Variants in TAOK1 observed in about 807,000 individuals in gnomAD.
TAOK1 encodes the protein TAO kinase 1.
A neutral mutation model predicts 138.3 loss-of-function variants in TAOK1; 21 were observed. The ratio of observed to expected loss-of-function variants is 0.15; its 90% CI spans 0.11 to 0.22. TAOK1 has a LOEUF of 0.22. Ranked by LOEUF, TAOK1 falls within the 10% of genes least tolerant of loss-of-function variation. The probability of loss-of-function intolerance (pLI) is 1.00; values close to 1 mark genes in which losing one functional copy is unlikely to be tolerated. For synonymous variants in TAOK1, 361 were observed against 398.4 expected (o/e 0.91, Z 1.12); for missense variants, 651 against 1,227.7 (o/e 0.53, Z 7.02).
At chr17:29,500,223 A>G (rs1214966359) in intron 12 of TAOK1, among the ~76,000 whole-genome samples, 2 of 152,178 alleles carry the variant, frequency 1.3e-5, no homozygotes, top group Non-Finnish European at 2.9e-5. Flanking sequence ...CTAAGGTGGT[A>G]GGTTCACTTG....
At chr17:29,479,820 T>A (rs1174354201) in intron 6 of TAOK1, among the ~76,000 whole-genome samples, 1 of 152,114 alleles carries the variant, frequency 6.6e-6, no homozygotes, top group Non-Finnish European at 1.5e-5. Context: ...AAAGTAAATT[T>A]GGGATCATTG....
intron 7 of TAOK1, among the ~76,000 whole-genome samples, chr17:29,481,447 C>T (rs1252455944): frequency 6.6e-6 from 1 of 151,934 alleles, no homozygotes; most frequent in African/African-American, 2.4e-5. Context: ...ACCTCAGCCT[C>T]CCAAAGTGCT....
intron 19 of TAOK1, among the ~76,000 whole-genome samples, chr17:29,537,020 T>C (rs1598529724): frequency 6.6e-6 from 1 of 152,122 alleles, no homozygotes; most frequent in Non-Finnish European, 1.5e-5. Flanking sequence ...ATCTTTTATA[T>C]TTGAAATTTA....
chr17:29,521,700 A>T (rs1567743186), intron 16 of TAOK1, among the ~76,000 whole-genome samples: 1 of 152,136 alleles, frequency 6.6e-6, no homozygotes, highest in Non-Finnish European at 1.5e-5. Flanking sequence ...CTCCTGCCTC[A>T]GCCTCCCGCG....
rs1324689095 is a variant in TAOK1 at position 29,522,429 on chromosome 17, C to T, written c.2058C>T (p.Leu686=). Residue 686 remains leucine (L), a synonymous_variant, in exon 17 of 20, where the codon CTC becomes CTT. Transcript: ENST00000261716. ...ELIRLQHQTE[L]TNQLEYNKRR... ...TCAGATTACAGCATCAAACTGAGCT[C>T]ACTAACCAGCTGGAATATAATAAGC... 3 of 1,614,146 alleles carry T rather than the reference C, an allele frequency of 1.9e-6. No homozygotes were observed. Among genetic ancestry groups the T allele is most frequent in the Non-Finnish European group, 2.5e-6 (3 of 1,180,042 alleles).
rs1462911404 is a variant in TAOK1 at position 29,545,663 on chromosome 17, A to C, written c.*2641A>C. On this transcript the variant is annotated 3_prime_UTR_variant, in exon 20 of 20. Coordinates refer to ENST00000261716, the MANE Select transcript of TAOK1 (RefSeq NM_020791.4). ...TGGTTTGTATATGTTTGTGAGATCT[A>C]GCTTCTGAGGAATCTCATACATAGT... The C allele has an allele frequency of 1.3e-5, 2 of 152,198 alleles. No homozygotes were observed. The highest frequency in any genetic ancestry group is 4.8e-5 in the African/African-American group (2 of 41,456). 9.4% of individuals were successfully genotyped at this position (152,198 alleles called of 1,614,324 possible). A position where few individuals can be genotyped will look rare whatever the true frequency, so the allele number is the denominator to read the frequency against.
intron 19 of TAOK1, among the ~76,000 whole-genome samples, chr17:29,542,350 TA>T (rs1159392636): frequency 4.0e-5 from 6 of 151,862 alleles, no homozygotes; most frequent in Admixed American, 3.3e-4. Context: ...TATGTGCATG[TA>T]AAAAAAATCT....
chr17:29,432,495 G>C (rs1905875756), intron 1 of TAOK1, among the ~76,000 whole-genome samples: 1 of 152,228 alleles, frequency 6.6e-6, no homozygotes, highest in Non-Finnish European at 1.5e-5. Flanking sequence ...TTTATGGCCA[G>C]ATTTGGAGGC....
At chr17:29,430,287 C>T (rs147768509) in intron 1 of TAOK1, among the ~76,000 whole-genome samples, 7 of 152,122 alleles carry the variant, frequency 4.6e-5, no homozygotes, top group Admixed American at 2.6e-4. Context: ...GTTCAAATAC[C>T]CCCTAGAAGT....
chr17:29,487,967 A>T (rs1022854748), intron 8 of TAOK1, among the ~76,000 whole-genome samples: 1 of 152,204 alleles, frequency 6.6e-6, no homozygotes, highest in Non-Finnish European at 1.5e-5. Flanking sequence ...GTGCCGCCTC[A>T]TAGGATATAA....
chr17:29,483,349 AT>A (rs1187953268), intron 8 of TAOK1, among the ~76,000 whole-genome samples: 3 of 151,942 alleles, frequency 2.0e-5, no homozygotes, highest in Non-Finnish European at 4.4e-5. Flanking sequence ...CAGTGGGGGG[AT>A]TTCAAGCATG....
At position 29,542,871 on chromosome 17, in the gene TAOK1, A is replaced by G. The variant is rs745802473; in HGVS notation, c.2855A>G (p.Gln952Arg). The G allele has an allele frequency of 6.2e-7, 1 of 1,614,094 alleles. No individual in the cohort carries two copies. The highest frequency in any genetic ancestry group is 1.7e-5 in the Admixed American group (1 of 60,008). The change falls in exon 20 of 20, where the codon CAA becomes CGA. Residue 952 changes from glutamine (Q) to arginine (R), a missense_variant. Transcript: ENST00000261716. ...QPWGHPSGPM[Q>R]GVPRGSSMGV... ...TGGGGTCACCCTTCAGGGCCAATGC[A>G]AGGGGTACCTCGAGGTAGCAGTATG...
chr17:29,503,296 T>C (rs910429605), intron 13 of TAOK1, among the ~76,000 whole-genome samples: 2 of 149,124 alleles, frequency 1.3e-5, no homozygotes, highest in Non-Finnish European at 2.9e-5. Flanking sequence ...CTTGAGAGGC[T>C]GAGGCAGGAG....
intron 1 of TAOK1, among the ~76,000 whole-genome samples, chr17:29,393,853 T>C (rs1210053909): frequency 1.3e-5 from 2 of 152,288 alleles, no homozygotes; most frequent in Non-Finnish European, 2.9e-5. Flanking sequence ...ATTTAAACTC[T>C]GAGAGGTTTT....
At chr17:29,473,365 G>C (rs1414819250) in intron 3 of TAOK1, among the ~76,000 whole-genome samples, 1 of 152,122 alleles carries the variant, frequency 6.6e-6, no homozygotes, top group Non-Finnish European at 1.5e-5. Flanking sequence ...ACTGGGCATG[G>C]TGGCTCACAC....
At chr17:29,540,427 C>A (rs894640818) in intron 19 of TAOK1, among the ~76,000 whole-genome samples, 1 of 152,078 alleles carries the variant, frequency 6.6e-6, no homozygotes, top group Non-Finnish European at 1.5e-5. Context: ...TGCAGTAGCC[C>A]CATCTTGGCT....
intron 2 of TAOK1, among the ~76,000 whole-genome samples, chr17:29,455,313 T>G (rs2030347483): frequency 1.3e-5 from 2 of 150,718 alleles, no homozygotes; most frequent in African/African-American, 5.0e-5. Flanking sequence ...ATAGCTGTTT[T>G]TTGTATCTTC....
At chr17:29,399,874 C>T (rs1177654169) in intron 1 of TAOK1, among the ~76,000 whole-genome samples, 1 of 152,014 alleles carries the variant, frequency 6.6e-6, no homozygotes, top group Non-Finnish European at 1.5e-5. Context: ...GGACTACAGG[C>T]GTGCACCACC....
intron 16 of TAOK1, among the ~76,000 whole-genome samples, chr17:29,519,474 G>A (rs981897623): frequency 1.3e-5 from 2 of 151,436 alleles, no homozygotes; most frequent in African/African-American, 2.4e-5. Flanking sequence ...AGCTGAGATC[G>A]CGCTGCTGCA....
Sources: allele counts gnomAD v4.1 joint callset (sites outside exome capture counted in the v4.1 genomes callset), GRCh38; gene constraint gnomAD v4.1.1; transcripts MANE v1.5; gene names NCBI Gene and HGNC (gene_info 2026-07-23, HGNC 2026-07-21).